The following C2orf74 variants were observed in gnomAD, a reference collection of about 807,000 sequenced individuals.
C2orf74 encodes DPM1 ER membrane anchor 1.
In C2orf74, 14 loss-of-function variants were observed where a neutral mutation model predicts 17.9. The ratio of observed to expected loss-of-function variants is 0.78; its 90% CI spans 0.52 to 1.22. The LOEUF (loss-of-function observed/expected upper bound fraction) is 1.22, where lower values mean the gene tolerates loss of function less well. Ranked by LOEUF, C2orf74 falls within the 50% of genes most tolerant of loss-of-function variation. C2orf74 has a pLI of 0.00. For synonymous variants in C2orf74, 79 were observed against 72.6 expected (o/e 1.09, Z -0.44); for missense variants, 217 against 218.4 (o/e 0.99, Z 0.04).
chr2:61,152,723 C>A (rs571584255), intron 1 of C2orf74, among the ~76,000 whole-genome samples: 1 of 151,062 alleles, frequency 6.6e-6, no homozygotes, highest in Non-Finnish European at 1.5e-5. Flanking sequence ...TGACACATGC[C>A]TGTAATCCCA....
At chr2:61,160,619 C>G (rs544241469), upstream of C2orf74, among the ~76,000 whole-genome samples, 25 of 152,128 alleles carry the variant, frequency 1.6e-4, no homozygotes, top group African/African-American at 5.8e-4. Flanking sequence ...AGCGATTTTC[C>G]TGCCTCAGCC....
At chr2:61,158,658 T>C (rs183512310), upstream of C2orf74, among the ~76,000 whole-genome samples, 8 of 152,138 alleles carry the variant, frequency 5.3e-5, no homozygotes, top group African/African-American at 7.2e-5. Flanking sequence ...TTGATTAAGA[T>C]TGAGGGATTT....
At chr2:61,151,284 C>G (rs946049409) in intron 1 of C2orf74, 1 of 142,606 alleles carries the variant, frequency 7.0e-6, no homozygotes, top group African/African-American at 2.7e-5. Flanking sequence ...CCACTGCACT[C>G]TAGCCTGGGT....
intron 1 of C2orf74, among the ~76,000 whole-genome samples, chr2:61,156,781 G>T (rs1020815015): frequency 6.6e-6 from 1 of 151,932 alleles, no homozygotes; most frequent in Non-Finnish European, 1.5e-5. Context: ...ACTACTTGGG[G>T]AGCTAAGGCA....
intron 2 of C2orf74, 72 bp from the exon 3 acceptor site, chr2:61,162,770 G>A: frequency 7.0e-6 from 9 of 1,286,168 alleles, no homozygotes; most frequent in African/African-American, 1.5e-5. Flanking sequence ...GTTTAAACGT[G>A]AAGTTTCTAT....
intron 4 of C2orf74, 44 bp downstream of exon 4, chr2:61,163,276 T>C: frequency 6.5e-7 from 1 of 1,527,026 alleles, no homozygotes; most frequent in Non-Finnish European, 8.8e-7. Flanking sequence ...AGAATTTGTT[T>C]GATTGAAAAT....
At chr2:61,145,958 G>A (rs1685057669) in intron 1 of C2orf74, among the ~76,000 whole-genome samples, 1 of 152,220 alleles carries the variant, frequency 6.6e-6, no homozygotes. Context: ...AGTGCTAGTA[G>A]GAGCAGAATG....
intron 1 of C2orf74, among the ~76,000 whole-genome samples, chr2:61,152,293 G>C (rs1177133861): frequency 6.6e-6 from 1 of 152,154 alleles, no homozygotes; most frequent in African/African-American, 2.4e-5. Context: ...TGTAATCCCA[G>C]CACTTTGGGA....
chr2:61,152,694 C>CA (rs1685266496), intron 1 of C2orf74, among the ~76,000 whole-genome samples: 1 of 149,056 alleles, frequency 6.7e-6, no homozygotes. Context: ...ACTAAAAATA[C>CA]AAAATTAGCT....
chr2:61,162,873 A>G lies in C2orf74; in HGVS notation c.127A>G (p.Lys43Glu). The G allele has an allele frequency of 6.4e-7, 1 of 1,552,478 alleles. No homozygotes were observed. The stretch of plus-strand genomic sequence containing the variant: ...AGGCAGGAAAGGTAAAGAGACAAAG[A>G]AAGTGCCTTGTACAGATGCAAACGG... ...FQGRKGKETK[K>E]VPCTDANGGV... The change falls in exon 3 of 5, where the codon AAA becomes GAA. Residue 43 changes from lysine (K) to glutamate (E), a missense_variant. Lys to Glu is a moderately conservative substitution (Grantham distance 56). Coordinates refer to ENST00000432605, the MANE Select transcript of C2orf74 (RefSeq NM_001143959.4).
chr2:61,157,197 C>T (rs571429850), upstream of C2orf74, among the ~76,000 whole-genome samples: 13 of 152,194 alleles, frequency 8.5e-5, no homozygotes, highest in South Asian at 1.9e-3. Context: ...CACGCCACCA[C>T]GCCTGGCTAA....
intron 4 of C2orf74, 37 bp from the exon 5 acceptor site, chr2:61,164,317 A>C (rs947618545): frequency 6.9e-7 from 1 of 1,459,558 alleles, no homozygotes; most frequent in African/African-American, 1.4e-5. Flanking sequence ...TCATAAATTG[A>C]TTATTTGTTT....
intron 4 of C2orf74, 142 bp downstream of exon 4, chr2:61,163,374 C>A: frequency 1.2e-6 from 1 of 818,734 alleles, no homozygotes; most frequent in Non-Finnish European, 1.9e-6. Flanking sequence ...TTTGGGAGGC[C>A]AAGGAGGGCG....
At chr2:61,157,964 C>T (rs757253247), upstream of C2orf74, 11 of 471,108 alleles carry the variant, frequency 2.3e-5, no homozygotes, top group African/African-American at 4.0e-5. Context: ...CCTGTCACCA[C>T]GAGTGGACAC....
chr2:61,145,719 G>A (rs1310128784), intron 1 of C2orf74, among the ~76,000 whole-genome samples: 2 of 152,040 alleles, frequency 1.3e-5, no homozygotes, highest in African/African-American at 4.8e-5. Flanking sequence ...CACCGCGCCC[G>A]GCCTGTTTTG....
At chr2:61,148,332 G>A (rs966736680) in intron 1 of C2orf74, among the ~76,000 whole-genome samples, 7 of 151,372 alleles carry the variant, frequency 4.6e-5, no homozygotes, top group Non-Finnish European at 8.8e-5. Context: ...GATTACAGGT[G>A]CCTGCCACCA....
chr2:61,156,000 C>G lies in C2orf74; in HGVS notation c.-121-6842C>G, dbSNP rs187831588. Among the ~76,000 whole-genome samples, 192 of 151,908 alleles carry G rather than the reference C, an allele frequency of 1.3e-3. 1 individual carries two copies. The highest frequency in any genetic ancestry group is 3.4e-4 in the Non-Finnish European group (23 of 67,940). ...ACTGCTTGAGCCCAGGAGTTTGAGA[C>G]CAGCCAGGGCAACATAACCAGACCG... On this transcript the variant is annotated intron_variant, in intron 1 of 3. Transcript: ENST00000426997.
rs541991846 is a variant in C2orf74, at chr2:61,155,026, C to T, written c.-121-7816C>T. On this transcript the variant is annotated intron_variant, in intron 1 of 3. Coordinates refer to the C2orf74 transcript ENST00000426997. ...GTTGCAGTGAGCTGAGATCACACCA[C>T]TGCACTCCAGCCTGGGCAACACATT... Among the ~76,000 whole-genome samples, 10 of 152,196 alleles carry T rather than the reference C, an allele frequency of 6.6e-5. No individual in the cohort carries two copies. The South Asian group carries it at 2.1e-3, about 32-fold the overall frequency.
intron 1 of C2orf74, among the ~76,000 whole-genome samples, chr2:61,153,726 T>C (rs774528144): frequency 6.7e-6 from 1 of 149,444 alleles, no homozygotes; most frequent in African/African-American, 2.5e-5. Flanking sequence ...CCGTCTCCAC[T>C]AAAAATATAA....
Sources: allele counts gnomAD v4.1 joint callset (sites outside exome capture counted in the v4.1 genomes callset), GRCh38; gene constraint gnomAD v4.1.1; transcripts MANE v1.5; gene names NCBI Gene and HGNC (gene_info 2026-07-23, HGNC 2026-07-21).